Variants in THADA observed in about 807,000 individuals in gnomAD.
THADA encodes THADA armadillo repeat containing.
A neutral mutation model predicts 219.8 loss-of-function variants in THADA; 213 were observed. The ratio of observed to expected loss-of-function variants is 0.97; its 90% CI spans 0.87 to 1.09. The LOEUF (loss-of-function observed/expected upper bound fraction) is 1.09. Among genes scored for constraint, THADA ranks in the 50% least tolerant of loss-of-function variants. The pLI, the probability that THADA is intolerant of heterozygous loss-of-function variation, is 0.00. For synonymous variants in THADA, 1,018 were observed against 828.9 expected, an observed-to-expected ratio of 1.23 and a Z score of -3.92; for missense variants, 2,956 against 2,311.3, an observed-to-expected ratio of 1.28 and a Z score of -5.72.
intron 28 of THADA, among the ~76,000 whole-genome samples, chr2:43,401,747 G>C (rs929282207): frequency 6.6e-6 from 1 of 152,098 alleles, no homozygotes; most frequent in African/African-American, 2.4e-5. Flanking sequence ...AAGCTCAGAA[G>C]GATTCAGTGA....
rs1257223390 is a variant in THADA at position 43,577,224 on chromosome 2, G to A, written c.835C>T (p.Arg279Cys). 6.3e-7 allele frequency: 1 copy of A among 1,594,010 alleles called. No individual in the cohort carries two copies. The highest frequency in any genetic ancestry group is 8.5e-7 in the Non-Finnish European group (1 of 1,170,450). Residue 279 changes from arginine (R) to cysteine (C), a missense_variant, in exon 10 of 38, where the codon CGT becomes TGT. By Grantham distance (180) the Arg-to-Cys change is radical. Coordinates refer to ENST00000405975, the MANE Select transcript of THADA (RefSeq NM_022065.5). ...GGGACACTGGTGCAGTCCACTGAACGAAGCAGCACACTGCTAATCTGGAAA... is the reference window on the plus strand; with the variant it reads ...GGGACACTGGTGCAGTCCACTGAACAAAGCAGCACACTGCTAATCTGGAAA... ...IPHLISSVLLRSVDCTSVPEW... is the reference protein window; with the variant it reads ...IPHLISSVLLCSVDCTSVPEW...
At chr2:43,266,186 G>A (rs1558489227) in intron 36 of THADA, among the ~76,000 whole-genome samples, 1 of 152,118 alleles carries the variant, frequency 6.6e-6, no homozygotes, top group Non-Finnish European at 1.5e-5. Flanking sequence ...GCTGAGCAGG[G>A]GACTGACTGA....
At chr2:43,245,600 T>G (rs574780215) in intron 36 of THADA, among the ~76,000 whole-genome samples, 2 of 152,304 alleles carry the variant, frequency 1.3e-5, no homozygotes, top group South Asian at 4.1e-4. Context: ...ACTCCCACCC[T>G]CAACCCTCTG....
intron 7 of THADA, among the ~76,000 whole-genome samples, chr2:43,585,904 AC>A (rs1255822882): frequency 6.6e-6 from 1 of 152,018 alleles, no homozygotes; most frequent in African/African-American, 2.4e-5. Flanking sequence ...AAATATAAAA[AC>A]TTTGAATTTA....
Position 43,566,725 on chromosome 2 carries a change from T to C in THADA, c.2284A>G (p.Ile762Val), listed in dbSNP as rs1011721880. ...TCTGGGACATGAAAAACTTCAGCTA[T>C]TGAACCTAAAATGGTTAAAGCTGAA... ...RFSALTILGS[I>V]AEVFHVPEGR... Residue 762 changes from isoleucine (I) to valine (V), a missense_variant, in exon 15 of 38, where the codon ATA (isoleucine) becomes GTA (valine). Ile to Val is a conservative substitution (Grantham distance 29). Coordinates refer to ENST00000405975, the MANE Select transcript of THADA (RefSeq NM_022065.5). The C allele has an allele frequency of 2.9e-5, 46 of 1,603,288 alleles. No homozygotes were observed. Among genetic ancestry groups the C allele is most frequent in the Non-Finnish European group, 3.7e-5 (44 of 1,176,882 alleles).
intron 28 of THADA, among the ~76,000 whole-genome samples, chr2:43,399,786 A>G (rs1226125989): frequency 6.6e-6 from 1 of 152,098 alleles, no homozygotes; most frequent in Non-Finnish European, 1.5e-5. Context: ...TAAATGTTTA[A>G]TCTGTAATTG....
At chr2:43,332,340 C>T (rs961300338) in intron 30 of THADA, among the ~76,000 whole-genome samples, 7 of 152,352 alleles carry the variant, frequency 4.6e-5, no homozygotes, top group African/African-American at 1.4e-4. Flanking sequence ...CCCTGACAAG[C>T]TGGCATTTAT....
At chr2:43,432,534 C>T (rs1679500561) in intron 26 of THADA, among the ~76,000 whole-genome samples, 1 of 150,598 alleles carries the variant, frequency 6.6e-6, no homozygotes, top group Non-Finnish European at 1.5e-5. Context: ...GACACGTTTT[C>T]ATTTCTCCTG....
intron 20 of THADA, among the ~76,000 whole-genome samples, chr2:43,543,553 T>G (rs1242435060): frequency 1.3e-5 from 2 of 151,728 alleles, no homozygotes; most frequent in Non-Finnish European, 2.9e-5. Flanking sequence ...CCTGACTTTT[T>G]AATGATTGCC....
At position 43,232,166 on chromosome 2, in the gene THADA, TTTTTCTTTTC is replaced by T. The variant is rs560161844; in HGVS notation, c.5466+537_5466+546del. On this transcript the variant is annotated intron_variant, in intron 37 of 37. Transcript: ENST00000405975. The stretch of plus-strand genomic sequence containing the variant: ...AACTCTCCGCATCCAGGGGCTTCTT[TTTTTCTTTTC>T]TTTTCTTTTCTTTTTTTTTTGAGAT... Among the ~76,000 whole-genome samples the T allele has an allele frequency of 4.0e-3, 602 of 152,076 alleles. 3 individuals carry two copies. The highest frequency in any genetic ancestry group is 4.7e-3 in the Non-Finnish European group (322 of 67,978).
chr2:43,565,971 C>T, intron 15 of THADA: 2 of 153,308 alleles, frequency 1.3e-5, no homozygotes, highest in Non-Finnish European at 2.9e-5. Flanking sequence ...GCCTGAAGTC[C>T]CAGCTACTCG....
intron 25 of THADA, among the ~76,000 whole-genome samples, chr2:43,489,544 G>C (rs1292174015): frequency 6.6e-6 from 1 of 151,968 alleles, no homozygotes; most frequent in Non-Finnish European, 1.5e-5. Flanking sequence ...AAGACATTTT[G>C]AGTCATCTGA....
chr2:43,445,369 T>G (rs77059113), intron 26 of THADA, among the ~76,000 whole-genome samples: 6,749 of 152,328 alleles, frequency 0.044, 192 homozygotes, highest in Non-Finnish European at 0.071. Flanking sequence ...CAGATTCTGT[T>G]CTTGGAATCC....
At chr2:43,575,830 C>A (rs1015860693) in intron 10 of THADA, among the ~76,000 whole-genome samples, 1 of 152,092 alleles carries the variant, frequency 6.6e-6, no homozygotes, top group Non-Finnish European at 1.5e-5. Flanking sequence ...GCCACCATGC[C>A]CGGCCTACAC....
chr2:43,376,884 TACTA>T (rs1332211610), intron 29 of THADA, among the ~76,000 whole-genome samples: 2 of 152,180 alleles, frequency 1.3e-5, no homozygotes, highest in African/African-American at 4.8e-5. Flanking sequence ...CAAGAGCCCC[TACTA>T]TGTGCTGGAG....
intron 26 of THADA, among the ~76,000 whole-genome samples, chr2:43,435,281 C>T (rs1273525684): frequency 6.6e-6 from 1 of 152,056 alleles, no homozygotes; most frequent in East Asian, 1.9e-4. Context: ...ATGGAGAAAT[C>T]CCATCTCTAC....
chr2:43,520,416 G>A (rs1295166380), intron 22 of THADA, among the ~76,000 whole-genome samples: 7 of 152,200 alleles, frequency 4.6e-5, no homozygotes, highest in South Asian at 4.1e-4. Context: ...GGCCAGGCGC[G>A]GTGGCTCATG....
At chr2:43,290,717 C>T (rs1417332788) in intron 34 of THADA, among the ~76,000 whole-genome samples, 1 of 152,068 alleles carries the variant, frequency 6.6e-6, no homozygotes, top group Non-Finnish European at 1.5e-5. Context: ...GTTATGCCAC[C>T]ACCATCAGTG....
Position 43,366,055 on chromosome 2 carries a change from C to T in THADA, c.4228-21818G>A, listed in dbSNP as rs575755486. 4.4e-4 allele frequency among the ~76,000 whole-genome samples: 67 copies of T among 152,258 alleles called. 1 individual carries two copies. The South Asian group carries it at 0.013, about 31-fold the overall frequency. On this transcript the variant is annotated intron_variant, in intron 29 of 37. Coordinates refer to ENST00000405975, the MANE Select transcript of THADA (RefSeq NM_022065.5). ...TTGAATTATGTTGAGCATAGAGATACTAAAGAGACAGTATCTTTGTGTCAC... is the reference window on the plus strand; with the variant it reads ...TTGAATTATGTTGAGCATAGAGATATTAAAGAGACAGTATCTTTGTGTCAC...
Sources: allele counts gnomAD v4.1 joint callset (sites outside exome capture counted in the v4.1 genomes callset), GRCh38; gene constraint gnomAD v4.1.1; transcripts MANE v1.5; gene names NCBI Gene and HGNC (gene_info 2026-07-23, HGNC 2026-07-21).